The following BMPER variants were observed in gnomAD, a reference collection of about 807,000 sequenced individuals.
BMPER encodes the protein BMP binding endothelial regulator, also known as BMP-binding endothelial regulator protein.
A neutral mutation model predicts 87.3 loss-of-function variants in BMPER; 45 were observed. That is an observed-to-expected ratio of 0.52 (90% confidence interval 0.41 to 0.66). The LOEUF (loss-of-function observed/expected upper bound fraction) is 0.66, where lower values mean the gene tolerates loss of function less well. Among genes scored for constraint, BMPER ranks in the 30% least tolerant of loss-of-function variants. The pLI, the probability that BMPER is intolerant of heterozygous loss-of-function variation, is 0.00. For synonymous variants in BMPER, 326 were observed against 316.2 expected, an observed-to-expected ratio of 1.03 and a Z score of -0.33; for missense variants, 784 against 867.5, an observed-to-expected ratio of 0.90 and a Z score of 1.21.
At chr7:34,138,530 A>G (rs1281759889) in intron 13 of BMPER, among the ~76,000 whole-genome samples, 1 of 152,202 alleles carries the variant, frequency 6.6e-6, no homozygotes, top group Non-Finnish European at 1.5e-5. Context: ...ACCACACAGA[A>G]CAAGAGTCCT....
chr7:34,037,236 A>C (rs548479512), intron 6 of BMPER, among the ~76,000 whole-genome samples: 32 of 152,292 alleles, frequency 2.1e-4, no homozygotes, highest in African/African-American at 7.5e-4. Flanking sequence ...TAGTGGAACT[A>C]TGGTAAAGAC....
intron 13 of BMPER, among the ~76,000 whole-genome samples, chr7:34,128,632 A>G (rs1298329981): frequency 6.6e-6 from 1 of 152,224 alleles, no homozygotes; most frequent in East Asian, 1.9e-4. Flanking sequence ...TAAGTGGAAC[A>G]TTTTTATGTT....
chr7:34,003,066 G>A (rs1345032470), intron 6 of BMPER, among the ~76,000 whole-genome samples: 1 of 151,572 alleles, frequency 6.6e-6, no homozygotes, highest in East Asian at 1.9e-4. Context: ...GTTTTTGTAT[G>A]TCTTATGTCT....
Position 34,153,121 on chromosome 7 carries a change from G to A in BMPER, c.1906G>A (p.Asp636Asn), listed in dbSNP as rs202141422. The A allele has an allele frequency of 9.0e-5, 146 of 1,613,962 alleles. No homozygotes were observed. The Admixed American group carries it at 1.2e-3, about 13-fold the overall frequency. Residue 636 changes from aspartate (D) to asparagine (N), a missense_variant, in exon 15 of 15, where the codon GAT becomes AAT. By Grantham distance (23) the Asp-to-Asn change is conservative. Transcript: ENST00000649409. ...ATQCKHGAVY[D>N]TCGPGCIKTC... ...CCAGTGTAAGCATGGTGCTGTGTAC[G>A]ATACCTGTGGTCCGGGATGTATCAA...
At chr7:34,060,816 G>A (rs1788416637) in intron 10 of BMPER, among the ~76,000 whole-genome samples, 1 of 152,164 alleles carries the variant, frequency 6.6e-6, no homozygotes, top group African/African-American at 2.4e-5. Context: ...CATGTGGAGG[G>A]TTATTGTGAA....
At chr7:33,997,895 C>G (rs1047453344) in intron 6 of BMPER, among the ~76,000 whole-genome samples, 2 of 152,176 alleles carry the variant, frequency 1.3e-5, no homozygotes, top group African/African-American at 4.8e-5. Flanking sequence ...AATGGTAACC[C>G]TGCTTTGCTC....
At chr7:34,126,226 G>A (rs937070589) in intron 13 of BMPER, among the ~76,000 whole-genome samples, 5 of 152,212 alleles carry the variant, frequency 3.3e-5, no homozygotes, top group African/African-American at 9.6e-5. Flanking sequence ...GATTGTTCCA[G>A]ATGATGAGCA....
intron 14 of BMPER, among the ~76,000 whole-genome samples, chr7:34,151,528 GAGC>G: frequency 6.6e-6 from 1 of 152,226 alleles, no homozygotes; most frequent in Non-Finnish European, 1.5e-5. Context: ...AGCTGAGTGT[GAGC>G]CAGGTGTAGG....
chr7:34,087,212 T>C (rs1043102135), intron 13 of BMPER, among the ~76,000 whole-genome samples: 1 of 152,208 alleles, frequency 6.6e-6, no homozygotes, highest in Non-Finnish European at 1.5e-5. Flanking sequence ...GTTTAGCTCC[T>C]TCAAGCCATT....
Position 34,086,148 on chromosome 7 carries a change from C to T in BMPER, c.1745+56C>T. On this transcript the variant is annotated intron_variant, in intron 13 of 14. Transcript: ENST00000649409. The stretch of plus-strand genomic sequence containing the variant: ...GGTTGCAGACCAATAATAGACTTGA[C>T]CTTGGAACATGGTGTATGAAATCTC... 4 of 1,560,934 alleles carry T rather than the reference C, an allele frequency of 2.6e-6. No individual in the cohort carries two copies. The East Asian group carries it at 6.7e-5, about 26-fold the overall frequency.
intron 14 of BMPER, 45 bp downstream of exon 14, chr7:34,143,405 T>C: frequency 6.2e-7 from 1 of 1,611,712 alleles, no homozygotes; most frequent in South Asian, 1.1e-5. Flanking sequence ...TTTACTGCAA[T>C]GCCCAAGATG....
chr7:34,005,369 A>AT (rs1786698102), intron 6 of BMPER, among the ~76,000 whole-genome samples: 1 of 151,912 alleles, frequency 6.6e-6, no homozygotes, highest in African/African-American at 2.4e-5. Context: ...AGATTCTCTT[A>AT]TTTTTTCTCA....
chr7:34,009,581 G>A (rs960155561), intron 6 of BMPER, among the ~76,000 whole-genome samples: 13 of 151,842 alleles, frequency 8.6e-5, no homozygotes, highest in African/African-American at 3.1e-4. Flanking sequence ...TGCTTAATAT[G>A]AAAAATAAAT....
At chr7:34,117,361 A>G (rs1562754696) in intron 13 of BMPER, among the ~76,000 whole-genome samples, 2 of 152,128 alleles carry the variant, frequency 1.3e-5, no homozygotes, top group African/African-American at 4.8e-5. Context: ...TCCTATGAGG[A>G]TGTCTTAAGG....
At chr7:34,125,038 C>G (rs1262124375) in intron 13 of BMPER, among the ~76,000 whole-genome samples, 2 of 149,894 alleles carry the variant, frequency 1.3e-5, no homozygotes, top group South Asian at 2.1e-4. Flanking sequence ...TATTATTCTT[C>G]TAATATACGG....
chr7:34,109,379 A>G (rs983225947), intron 13 of BMPER, among the ~76,000 whole-genome samples: 8 of 152,330 alleles, frequency 5.3e-5, no homozygotes, highest in African/African-American at 1.7e-4. Context: ...TACTCAGTCT[A>G]CCAATTTAAA....
intron 11 of BMPER, 100 bp from the exon 12 acceptor site, chr7:34,078,757 T>C (rs1447989096): frequency 1.6e-6 from 2 of 1,275,654 alleles, no homozygotes; most frequent in East Asian, 4.6e-5. Context: ...CCTTAGTGCA[T>C]TTCTGCTAAG....
chr7:33,950,489 G>A (rs1784992445), intron 3 of BMPER, among the ~76,000 whole-genome samples: 1 of 152,160 alleles, frequency 6.6e-6, no homozygotes, highest in Non-Finnish European at 1.5e-5. Flanking sequence ...CAATTAAGAT[G>A]TCATCCAGGG....
At chr7:33,999,461 A>G (rs1176753876) in intron 6 of BMPER, among the ~76,000 whole-genome samples, 1 of 152,200 alleles carries the variant, frequency 6.6e-6, no homozygotes, top group African/African-American at 2.4e-5. Context: ...TGTATGTTCA[A>G]ATTTTGATTA....
Sources: allele counts gnomAD v4.1 joint callset (sites outside exome capture counted in the v4.1 genomes callset), GRCh38; gene constraint gnomAD v4.1.1; transcripts MANE v1.5; gene names NCBI Gene and HGNC (gene_info 2026-07-23, HGNC 2026-07-21).